The following VPS8 variants were observed in gnomAD, a reference collection of about 807,000 sequenced individuals.
The protein encoded by VPS8 is vacuolar protein sorting-associated protein 8 homolog.
In VPS8, 129 loss-of-function variants were observed where a neutral mutation model predicts 216.4. The ratio of observed to expected loss-of-function variants is 0.60; its 90% CI spans 0.52 to 0.69. VPS8 has a LOEUF of 0.69. Among genes scored for constraint, VPS8 ranks in the 30% least tolerant of loss-of-function variants. The pLI is 0.00. For missense variants in VPS8, 1,531 were observed against 1,683.5 expected (o/e 0.91, Z 1.59); for synonymous variants, 571 against 565.4 (o/e 1.01, Z -0.14).
chr3:184,899,775 A>T (rs1264110532), intron 24 of VPS8, among the ~76,000 whole-genome samples: 1 of 152,184 alleles, frequency 6.6e-6, no homozygotes, highest in Non-Finnish European at 1.5e-5. Context: ...CTCAAAACAG[A>T]TTCTATTTTG....
chr3:184,930,450 T>C lies in VPS8; in HGVS notation c.2800-20T>C. 1.3e-6 allele frequency: 2 copies of C among 1,561,946 alleles called. No homozygotes were observed. The highest frequency in any genetic ancestry group is 8.8e-7 in the Non-Finnish European group (1 of 1,133,884). On this transcript the variant is annotated intron_variant, in intron 33 of 47. Transcript: ENST00000625842. ...CTTGAGTGAGTGAATGAATAAATTATATTGTCTTGTGCTCTTCAGGAAGAA... is the reference window on the plus strand; with the variant it reads ...CTTGAGTGAGTGAATGAATAAATTACATTGTCTTGTGCTCTTCAGGAAGAA...
chr3:184,880,932 A>T (rs1408205534), intron 21 of VPS8, among the ~76,000 whole-genome samples: 1 of 152,086 alleles, frequency 6.6e-6, no homozygotes, highest in Non-Finnish European at 1.5e-5. Context: ...ACATCTTTTC[A>T]TGTGTTTATT....
intron 45 of VPS8, among the ~76,000 whole-genome samples, chr3:185,020,455 C>T (rs535015380): frequency 1.2e-4 from 18 of 148,108 alleles, no homozygotes; most frequent in African/African-American, 4.2e-4. Context: ...CTTTTGTAAT[C>T]AGTAAAATTA....
At chr3:185,040,336 A>T (rs924924192) in intron 46 of VPS8, among the ~76,000 whole-genome samples, 6 of 152,194 alleles carry the variant, frequency 3.9e-5, no homozygotes, top group African/African-American at 1.4e-4. Context: ...TTAAGGCAGG[A>T]TATTCCATCT....
At chr3:184,828,645 T>C (rs1017285855) in intron 3 of VPS8, among the ~76,000 whole-genome samples, 4 of 152,228 alleles carry the variant, frequency 2.6e-5, no homozygotes, top group Non-Finnish European at 4.4e-5. Flanking sequence ...TAAGACCAAG[T>C]CTTTGACCCT....
Position 184,915,020 on chromosome 3 carries a change from C to A in VPS8, c.2229C>A (p.Ile743=). Residue 743 remains isoleucine, a synonymous_variant, in exon 27 of 48, where the codon ATC becomes ATA. Transcript: ENST00000625842. ...GTCGTGCCTATCCCCTTGGTGACAT[C>A]CCTGAAGATCTGGTTCCCTTGGTTA... is the stretch of plus-strand genomic sequence containing the variant. ...LAGRAYPLGD[I]PEDLVPLVKN... 6.2e-7 allele frequency: 1 copy of A among 1,614,000 alleles called. No homozygotes were observed. Among genetic ancestry groups the A allele is most frequent in the African/African-American group, 1.3e-5 (1 of 75,040 alleles).
At chr3:184,977,728 CTT>C (rs55724735) in intron 40 of VPS8, among the ~76,000 whole-genome samples, 105,511 of 125,962 alleles carry the variant, frequency 0.84, 44,658 homozygotes, top group Middle Eastern at 0.93. Context: ...CATTGCTTAT[CTT>C]TTTTTTTTTT....
At chr3:185,031,789 C>G (rs991487533) in intron 46 of VPS8, among the ~76,000 whole-genome samples, 14 of 152,296 alleles carry the variant, frequency 9.2e-5, no homozygotes, top group African/African-American at 3.1e-4. Context: ...TGGTCAAACT[C>G]CTGCCTTTGG....
intron 42 of VPS8, among the ~76,000 whole-genome samples, chr3:184,985,431 G>T (rs949718482): frequency 6.6e-6 from 1 of 152,074 alleles, no homozygotes; most frequent in African/African-American, 2.4e-5. Flanking sequence ...TAGATGAAAG[G>T]CATAGTTCTG....
intron 25 of VPS8, among the ~76,000 whole-genome samples, chr3:184,902,800 A>T (rs1434074817): frequency 1.3e-5 from 2 of 151,280 alleles, no homozygotes; most frequent in Non-Finnish European, 2.9e-5. Context: ...ACTGTACTCT[A>T]GCTGGGGCAA....
intron 46 of VPS8, 81 bp from the exon 47 acceptor site, chr3:185,048,398 A>G: frequency 7.5e-7 from 1 of 1,324,522 alleles, no homozygotes; most frequent in Non-Finnish European, 1.1e-6. Flanking sequence ...GCACCATGTT[A>G]TGCTTCAGCA....
intron 8 of VPS8, among the ~76,000 whole-genome samples, chr3:184,848,340 G>A (rs966886502): frequency 1.3e-5 from 2 of 152,084 alleles, no homozygotes; most frequent in African/African-American, 4.8e-5. Context: ...GTAAATTTCA[G>A]CCAAATTCTA....
At chr3:184,941,278 T>TC (rs11273683) in intron 36 of VPS8, among the ~76,000 whole-genome samples, 3 of 152,176 alleles carry the variant, frequency 2.0e-5, no homozygotes, top group Admixed American at 6.5e-5. Context: ...TACATTTAAA[T>TC]TTAGTCAAAC....
intron 46 of VPS8, among the ~76,000 whole-genome samples, chr3:185,042,907 G>A (rs1712004454): frequency 6.6e-6 from 1 of 152,154 alleles, no homozygotes; most frequent in Non-Finnish European, 1.5e-5. Flanking sequence ...CAGTATGTGG[G>A]TTTCAAAGAC....
At chr3:185,016,413 A>T (rs899181885) in intron 45 of VPS8, among the ~76,000 whole-genome samples, 4 of 152,160 alleles carry the variant, frequency 2.6e-5, no homozygotes, top group Non-Finnish European at 5.9e-5. Context: ...CACTGTGAAA[A>T]TTTTTTACGA....
At chr3:184,893,482 G>A (rs939394110) in intron 22 of VPS8, 5 of 510,484 alleles carry the variant, frequency 9.8e-6, no homozygotes, top group Non-Finnish European at 1.3e-5. Flanking sequence ...ATGATACAAG[G>A]CAATACAATT....
chr3:184,843,346 C>A, intron 8 of VPS8, 101 bp downstream of exon 8: 2 of 893,380 alleles, frequency 2.2e-6, no homozygotes, highest in Non-Finnish European at 2.9e-6. Flanking sequence ...TTACGAAATG[C>A]TTATTGAAAA....
chr3:184,974,270 A>G (rs1425726231), intron 40 of VPS8, among the ~76,000 whole-genome samples: 2 of 152,050 alleles, frequency 1.3e-5, no homozygotes, highest in African/African-American at 4.8e-5. Context: ...GCTCATGATG[A>G]CTTTGATTTA....
intron 16 of VPS8, among the ~76,000 whole-genome samples, chr3:184,864,473 T>A (rs1424147962): frequency 6.6e-6 from 1 of 152,032 alleles, no homozygotes; most frequent in East Asian, 1.9e-4. Flanking sequence ...AGCAAATGCA[T>A]AGAAGGAAAT....
Sources: gnomAD v4.1 joint callset for allele counts (sites outside exome capture counted in the v4.1 genomes callset) on GRCh38, gnomAD v4.1.1 for gene constraint, MANE v1.5 for transcripts, NCBI Gene and HGNC (gene_info 2026-07-23, HGNC 2026-07-21) for gene names.